The following NAV3 variants were observed in gnomAD, a reference collection of about 807,000 sequenced individuals.
NAV3 encodes the protein pore membrane and/or filament interacting like protein 1.
NAV3 carries 87 observed loss-of-function variants against 244.7 expected under a neutral mutation model. The ratio of observed to expected loss-of-function variants is 0.36; its 90% CI spans 0.30 to 0.42. NAV3 has a LOEUF of 0.42. Among genes scored for constraint, NAV3 ranks in the 20% least tolerant of loss-of-function variants. The pLI is 1.00. For missense variants in NAV3, 2,663 were observed against 2,893.3 expected (o/e 0.92, Z 1.83); for synonymous variants, 1,126 against 1,042.2 (o/e 1.08, Z -1.55).
intron 2 of NAV3, among the ~76,000 whole-genome samples, chr12:77,767,099 AAGTCAGAG>A (rs1029865935): frequency 3.3e-5 from 5 of 152,134 alleles, no homozygotes; most frequent in Non-Finnish European, 5.9e-5. Flanking sequence ...GCGCGATGGA[AAGTCAGAG>A]AGTCAGAGAG....
At chr12:77,757,748 A>G (rs1424573126) in intron 2 of NAV3, among the ~76,000 whole-genome samples, 1 of 152,182 alleles carries the variant, frequency 6.6e-6, no homozygotes, top group Non-Finnish European at 1.5e-5. Context: ...TGGTCAAATT[A>G]TTAATTTTCT....
intron 10 of NAV3, among the ~76,000 whole-genome samples, chr12:78,050,402 C>G (rs1882561599): frequency 1.3e-5 from 2 of 152,190 alleles, no homozygotes; most frequent in South Asian, 2.1e-4. Context: ...AACAGTGGCA[C>G]AAGTTGCACT....
chr12:77,961,785 A>G (rs1305658423), intron 3 of NAV3, among the ~76,000 whole-genome samples: 4 of 140,058 alleles, frequency 2.9e-5, no homozygotes, highest in Non-Finnish European at 3.0e-5. Flanking sequence ...ACCATCATGA[A>G]GGTTACATTC....
intron 2 of NAV3, among the ~76,000 whole-genome samples, chr12:77,703,710 G>A (rs376013601): frequency 5.3e-5 from 8 of 152,096 alleles, no homozygotes; most frequent in South Asian, 2.1e-4. Flanking sequence ...GCACACCTTG[G>A]TCAGGAGAAA....
In NAV3 at chr12:78,116,891, G is replaced by T; in HGVS notation, c.2756G>T (p.Arg919Met). 1 of 1,611,418 alleles carries T rather than the reference G, an allele frequency of 6.2e-7. No individual in the cohort carries two copies. Among genetic ancestry groups the T allele is most frequent in the South Asian group, 1.1e-5 (1 of 90,760 alleles). ...TACTCCAACATCACCGTCCCCTCTA[G>T]GAAGAATACTCAGGTGAGAATTACC... ...SSYSNITVPS[R>M]KNTQLRTDSE... The change falls in exon 13 of 40, where the codon AGG becomes ATG. Residue 919 changes from arginine (R) to methionine (M), a missense_variant. Transcript: ENST00000397909.
Position 77,711,598 on chromosome 12 carries a change from A to C in NAV3, c.72+139332A>C, listed in dbSNP as rs143424230. The stretch of plus-strand genomic sequence containing the variant: ...TGGTATGGAATGCGGTGTCAGGAGC[A>C]GCTAAAGGGCAGGTGCCCTGATGTC... On this transcript the variant is annotated intron_variant, in intron 2 of 8. Transcript: ENST00000550042. Among the ~76,000 whole-genome samples, 332 of 152,324 alleles carry C rather than the reference A, an allele frequency of 2.2e-3. 3 individuals carry two copies. The East Asian group carries it at 0.054, about 25-fold the overall frequency.
At chr12:78,116,621 A>G in intron 12 of NAV3, 151 bp from the exon 13 acceptor site, 2 of 844,444 alleles carry the variant, frequency 2.4e-6, no homozygotes, top group Non-Finnish European at 3.4e-6. Flanking sequence ...TATAAATATG[A>G]TTTTCCCAAA....
At chr12:77,779,903 G>A (rs1870578117) in intron 2 of NAV3, among the ~76,000 whole-genome samples, 1 of 152,188 alleles carries the variant, frequency 6.6e-6, no homozygotes, top group Non-Finnish European at 1.5e-5. Flanking sequence ...CAGTTGAATA[G>A]CTACAAGAAG....
chr12:77,797,686 C>T lies in NAV3; in HGVS notation c.73-142633C>T, dbSNP rs150916242. On this transcript the variant is annotated intron_variant, in intron 2 of 8. Transcript: ENST00000550042. ...TGAAACCCCGTCTCTACTACAAATA[C>T]AACAATTAGCCAGGGGTGGTGGTGC... 4.4e-3 allele frequency among the ~76,000 whole-genome samples: 672 copies of T among 151,188 alleles called. 3 individuals carry two copies. The highest frequency in any genetic ancestry group is 0.016 in the African/African-American group (639 of 41,160).
intron 9 of NAV3, among the ~76,000 whole-genome samples, chr12:78,041,940 C>T (rs932018250): frequency 4.0e-5 from 6 of 151,824 alleles, no homozygotes; most frequent in African/African-American, 1.5e-4. Flanking sequence ...CTTTTTGTTC[C>T]CTTTCTTTTT....
intron 1 of NAV3, among the ~76,000 whole-genome samples, chr12:77,910,208 G>A (rs1318711340): frequency 6.6e-6 from 1 of 152,026 alleles, no homozygotes; most frequent in Non-Finnish European, 1.5e-5. Context: ...TGTACAGGAA[G>A]CACAGTGCCA....
chr12:77,721,905 G>C (rs1218250571), intron 2 of NAV3, among the ~76,000 whole-genome samples: 1 of 152,060 alleles, frequency 6.6e-6, no homozygotes, highest in East Asian at 1.9e-4. Context: ...TCTGATTCAG[G>C]ACAGCCAACC....
rs553216245 is a variant in NAV3, at chr12:77,842,465, C to A, written c.243+10761C>A. 4.6e-5 allele frequency among the ~76,000 whole-genome samples: 7 copies of A among 151,692 alleles called. No individual in the cohort carries two copies. In the South Asian group the frequency reaches 1.5e-3, roughly 32 times the overall value. On this transcript the variant is annotated intron_variant, in intron 1 of 39. Coordinates refer to ENST00000397909, the MANE Select transcript of NAV3 (RefSeq NM_001024383.2). Reference sequence around the variant, plus strand: ...GAAACTCTCTGTCAGAGCTGGGAACCAGAAAGGCCAAGACTGTGTACGATC... The same window carrying A: ...GAAACTCTCTGTCAGAGCTGGGAACAAGAAAGGCCAAGACTGTGTACGATC...
intron 9 of NAV3, among the ~76,000 whole-genome samples, chr12:78,040,098 C>T (rs569604795): frequency 6.6e-6 from 1 of 152,138 alleles, no homozygotes; most frequent in Non-Finnish European, 1.5e-5. Context: ...GCCTCTGGAC[C>T]TCACTCAGAT....
chr12:77,966,019 A>C (rs980445912), intron 3 of NAV3, among the ~76,000 whole-genome samples: 3 of 152,186 alleles, frequency 2.0e-5, no homozygotes, highest in African/African-American at 2.4e-5. Flanking sequence ...GCCTTTATGA[A>C]TTGTTTGTAA....
intron 24 of NAV3, among the ~76,000 whole-genome samples, chr12:78,170,472 C>A (rs1957955961): frequency 6.6e-6 from 1 of 151,668 alleles, no homozygotes. Context: ...TTAATCTTAT[C>A]CTGCTTTACA....
At chr12:77,634,470 G>A (rs572622323) in intron 2 of NAV3, among the ~76,000 whole-genome samples, 1 of 152,124 alleles carries the variant, frequency 6.6e-6, no homozygotes, top group East Asian at 1.9e-4. Flanking sequence ...TTACTACAAG[G>A]GACCAACTGC....
At chr12:78,161,531 G>A (rs1398260589) in intron 23 of NAV3, among the ~76,000 whole-genome samples, 1 of 152,008 alleles carries the variant, frequency 6.6e-6, no homozygotes, top group Non-Finnish European at 1.5e-5. Context: ...AAAAAATGTA[G>A]AGGTATGTTA....
chr12:77,754,873 G>C (rs1592650319), intron 2 of NAV3, among the ~76,000 whole-genome samples: 1 of 152,104 alleles, frequency 6.6e-6, no homozygotes, highest in South Asian at 2.1e-4. Flanking sequence ...TTTGGCTCCA[G>C]TTTTATACTA....
Sources: allele counts gnomAD v4.1 joint callset (sites outside exome capture counted in the v4.1 genomes callset), GRCh38; gene constraint gnomAD v4.1.1; transcripts MANE v1.5; gene names NCBI Gene and HGNC (gene_info 2026-07-23, HGNC 2026-07-21).